DNAJC21: variants seen among roughly 807,000 people sequenced by gnomAD.
DNAJC21 encodes dnaJ homolog subfamily C member 21.
DNAJC21 carries 63 observed loss-of-function variants against 72.4 expected under a neutral mutation model. The observed-to-expected ratio is 0.87, with a 90% CI of 0.71 to 1.07. The LOEUF is 1.07. DNAJC21 is among the 50% of genes least tolerant of loss of function. The pLI is 0.00. For missense variants in DNAJC21, 634 were observed against 644.8 expected (o/e 0.98, Z 0.18); for synonymous variants, 203 against 216.7 (o/e 0.94, Z 0.56).
Position 34,950,295 on chromosome 5 carries a change from C to G in DNAJC21, c.1311C>G (p.Val437=), listed in dbSNP as rs772226629. 8.7e-6 allele frequency: 14 copies of G among 1,613,458 alleles called. No homozygotes were observed. The East Asian group carries it at 1.1e-4, about 13-fold the overall frequency. Reference sequence around the variant, plus strand: ...ATAGTCCCCAGGAAAATGTCAGTGTCACAGAGATCATTAAACCATGTGATG... The same window carrying G: ...ATAGTCCCCAGGAAAATGTCAGTGTGACAGAGATCATTAAACCATGTGATG... The part of the protein sequence containing the change: ...LEDSPQENVS[V]TEIIKPCDDP... Residue 437 remains valine, a synonymous_variant, in exon 10 of 12, where the codon GTC becomes GTG. Coordinates refer to ENST00000648817, the MANE Select transcript of DNAJC21 (RefSeq NM_001012339.3).
intron 1 of DNAJC21, 115 bp from the exon 2 acceptor site, chr5:34,933,700 T>G: frequency 3.0e-6 from 2 of 675,666 alleles, no homozygotes; most frequent in Non-Finnish European, 4.9e-6. Context: ...TTGGCCCTGG[T>G]TGTTTCTTGT....
rs748230020 is a variant in DNAJC21 at position 34,936,281 on chromosome 5, C to A, written c.438+15C>A. 2 of 1,603,310 alleles carry A rather than the reference C, an allele frequency of 1.2e-6. No homozygotes were observed. The highest frequency in any genetic ancestry group is 1.7e-6 in the Non-Finnish European group (2 of 1,177,420). ...ACTATGATACGGTAAAATAAAAATG[C>A]ATTGTTCTATAATTAGTATTTATCA... On this transcript the variant is annotated intron_variant, in intron 4 of 11. Coordinates refer to ENST00000648817, the MANE Select transcript of DNAJC21 (RefSeq NM_001012339.3).
At chr5:34,930,693 T>C (rs1408003709) in intron 1 of DNAJC21, among the ~76,000 whole-genome samples, 1 of 152,216 alleles carries the variant, frequency 6.6e-6, no homozygotes, top group East Asian at 1.9e-4. Context: ...GAGGTTCATA[T>C]GAAGAGGCTT....
intron 9 of DNAJC21, among the ~76,000 whole-genome samples, chr5:34,946,527 A>G (rs1202083010): frequency 1.3e-5 from 2 of 152,152 alleles, no homozygotes; most frequent in Non-Finnish European, 2.9e-5. Context: ...ATTTATCCAA[A>G]TGGTTATAAT....
In DNAJC21 at chr5:34,958,354, A is replaced by G. The variant is rs1424493608; in HGVS notation, c.*3640A>G. 1 of 152,222 alleles carries G rather than the reference A, an allele frequency of 6.6e-6. No individual in the cohort carries two copies. The highest frequency in any genetic ancestry group is 1.9e-4 in the East Asian group (1 of 5,208). The allele number at this position is 152,222 out of a possible 1,614,324, so 9.4% of individuals were successfully genotyped here. A position where few individuals can be genotyped will look rare whatever the true frequency, so the allele number is the denominator to read the frequency against. ...AGGTCCATGTTTATATGGGAACTTG[A>G]TTTTTGACAGATACGGCAAGCTCTA... On this transcript the variant is annotated 3_prime_UTR_variant, in exon 12 of 12. Coordinates refer to ENST00000648817, the MANE Select transcript of DNAJC21 (RefSeq NM_001012339.3).
At chr5:34,931,744 T>C (rs1385134810) in intron 1 of DNAJC21, among the ~76,000 whole-genome samples, 1 of 150,862 alleles carries the variant, frequency 6.6e-6, no homozygotes, top group Non-Finnish European at 1.5e-5. Flanking sequence ...TTAGGGAGAG[T>C]CCGCAGTGGA....
Position 34,932,125 on chromosome 5 carries a change from C to CT in DNAJC21, c.98-1687dup, listed in dbSNP as rs776926379. 1.2e-4 allele frequency among the ~76,000 whole-genome samples: 19 copies of CT among 152,206 alleles called. No individual in the cohort carries two copies. In the South Asian group the frequency reaches 3.5e-3, roughly 28 times the overall value. ...AAGTATTGAGCTGTAGCTTAAAGAACTTTAGTGTGCTCCGGCCAGGTGCGG... is the reference window on the plus strand; with the variant it reads ...AAGTATTGAGCTGTAGCTTAAAGAACTTTTAGTGTGCTCCGGCCAGGTGCGG... On this transcript the variant is annotated intron_variant, in intron 1 of 11. Transcript: ENST00000648817.
chr5:34,942,679 C>T (rs920629295), intron 7 of DNAJC21, among the ~76,000 whole-genome samples: 9 of 152,206 alleles, frequency 5.9e-5, no homozygotes, highest in Admixed American at 1.3e-4. Context: ...TCTCTCTACA[C>T]GCTCAACACA....
chr5:34,929,943 G>A, intron 1 of DNAJC21, 27 bp downstream of exon 1: 2 of 1,533,890 alleles, frequency 1.3e-6, no homozygotes, highest in Non-Finnish European at 8.8e-7. Flanking sequence ...CAGCCCCCGC[G>A]GCCACTCGGA....
At chr5:34,946,364 T>C (rs1166187465) in intron 9 of DNAJC21, among the ~76,000 whole-genome samples, 1 of 152,164 alleles carries the variant, frequency 6.6e-6, no homozygotes, top group East Asian at 1.9e-4. Context: ...TATGTTGTTA[T>C]ACCTATAAAA....
intron 6 of DNAJC21, among the ~76,000 whole-genome samples, chr5:34,940,005 A>G (rs760501030): frequency 6.6e-6 from 1 of 152,216 alleles, no homozygotes; most frequent in African/African-American, 2.4e-5. Context: ...AAATCACTCT[A>G]TAAATGTGAG....
chr5:34,947,734 A>G (rs1056223593), intron 9 of DNAJC21, among the ~76,000 whole-genome samples: 7 of 147,820 alleles, frequency 4.7e-5, no homozygotes, highest in Admixed American at 2.7e-4. Flanking sequence ...TCATTTAATC[A>G]TATATAGAAG....
At chr5:34,938,740 TA>T in intron 5 of DNAJC21, 117 bp from the exon 6 acceptor site, 1 of 1,124,400 alleles carries the variant, frequency 8.9e-7, no homozygotes, top group Non-Finnish European at 1.2e-6. Flanking sequence ...TTTAAGTTTG[TA>T]AGCGTGGATA....
At chr5:34,948,067 G>T (rs1364935719) in intron 9 of DNAJC21, among the ~76,000 whole-genome samples, 1 of 152,128 alleles carries the variant, frequency 6.6e-6, no homozygotes, top group Non-Finnish European at 1.5e-5. Flanking sequence ...GGAATTAAAT[G>T]AATAAATTGT....
At chr5:34,935,595 G>A in intron 2 of DNAJC21, 115 bp from the exon 3 acceptor site, 1 of 1,349,364 alleles carries the variant, frequency 7.4e-7, no homozygotes, top group South Asian at 1.3e-5. Flanking sequence ...TTTGGTTATG[G>A]ATTGGACATA....
intron 1 of DNAJC21, among the ~76,000 whole-genome samples, chr5:34,931,491 TAGCGA>T (rs1764591935): frequency 6.6e-6 from 1 of 152,168 alleles, no homozygotes; most frequent in Non-Finnish European, 1.5e-5. Context: ...GTAAATGAAG[TAGCGA>T]ATGCTGTGAC....
chr5:34,952,946 C>A (rs1452871934), intron 10 of DNAJC21, among the ~76,000 whole-genome samples: 1 of 151,930 alleles, frequency 6.6e-6, no homozygotes, highest in Non-Finnish European at 1.5e-5. Flanking sequence ...GTCAGGAGTT[C>A]GAGACCATCC....
At chr5:34,940,652 T>C (rs34349127) in intron 6 of DNAJC21, among the ~76,000 whole-genome samples, 9,344 of 152,302 alleles carry the variant, frequency 0.061, 379 homozygotes, top group Non-Finnish European at 0.092. Flanking sequence ...TGTTAACTTA[T>C]GGCCTATCCG....
At chr5:34,947,282 TC>T (rs1765201235) in intron 9 of DNAJC21, among the ~76,000 whole-genome samples, 9 of 152,166 alleles carry the variant, frequency 5.9e-5, no homozygotes, top group Admixed American at 5.9e-4. Context: ...CTGAATACCT[TC>T]CAAGGGATAT....
Sources: allele counts gnomAD v4.1 joint callset (sites outside exome capture counted in the v4.1 genomes callset), GRCh38; gene constraint gnomAD v4.1.1; transcripts MANE v1.5; gene names NCBI Gene and HGNC (gene_info 2026-07-23, HGNC 2026-07-21).